The following CTTNBP2NL variants were observed in gnomAD, a reference collection of about 807,000 sequenced individuals.
CTTNBP2NL encodes CTTNBP2 N-terminal-like protein.
A neutral mutation model predicts 32.5 loss-of-function variants in CTTNBP2NL; 16 were observed. The observed-to-expected ratio is 0.49, with a 90% CI of 0.33 to 0.75. The LOEUF (loss-of-function observed/expected upper bound fraction) is 0.75, where lower values mean the gene tolerates loss of function less well. Among genes scored for constraint, CTTNBP2NL ranks in the 30% least tolerant of loss-of-function variants. The pLI, the probability that CTTNBP2NL is intolerant of heterozygous loss-of-function variation, is 0.02. For synonymous variants in CTTNBP2NL, 298 were observed against 289.4 expected (o/e 1.03, Z -0.30); for missense variants, 645 against 756.0 (o/e 0.85, Z 1.72).
chr1:112,429,673 A>G lies in CTTNBP2NL; in HGVS notation c.99+13409A>G, dbSNP rs141342459. 1.2e-4 allele frequency among the ~76,000 whole-genome samples: 19 copies of G among 152,354 alleles called. No homozygotes were observed. In the East Asian group the frequency reaches 3.7e-3, roughly 29 times the overall value. On this transcript the variant is annotated intron_variant, in intron 3 of 5. Coordinates refer to ENST00000271277, the MANE Select transcript of CTTNBP2NL (RefSeq NM_018704.3). ...AAAGATACCCATTGCAGCATAATTC[A>G]TAGAAACAAAATGCTAGAAACAATT... is the stretch of plus-strand genomic sequence containing the variant.
chr1:112,400,036 T>G (rs1015268204), intron 1 of CTTNBP2NL, among the ~76,000 whole-genome samples: 3 of 152,122 alleles, frequency 2.0e-5, no homozygotes, highest in African/African-American at 7.2e-5. Context: ...GCCATTGCAC[T>G]CCAGCCTGGG....
intron 3 of CTTNBP2NL, among the ~76,000 whole-genome samples, chr1:112,444,599 A>G (rs1649983092): frequency 1.3e-5 from 2 of 152,234 alleles, no homozygotes; most frequent in South Asian, 2.1e-4. Flanking sequence ...TTTTCTGACA[A>G]TGTAGGAATT....
At chr1:112,402,919 A>G (rs1648547815) in intron 1 of CTTNBP2NL, among the ~76,000 whole-genome samples, 1 of 152,094 alleles carries the variant, frequency 6.6e-6, no homozygotes, top group South Asian at 2.1e-4. Flanking sequence ...GTCTCGTATC[A>G]CAGTCATCAT....
chr1:112,438,847 A>G lies in CTTNBP2NL; in HGVS notation c.100-10095A>G, dbSNP rs180768080. 2.6e-5 allele frequency among the ~76,000 whole-genome samples: 4 copies of G among 152,300 alleles called. No homozygotes were observed. In the East Asian group the frequency reaches 5.8e-4, roughly 22 times the overall value. On this transcript the variant is annotated intron_variant, in intron 3 of 5. Transcript: ENST00000271277. ...GATGACCATTGCCAGGTTGTATTCA[A>G]AATTATCACTAAACACCCTGCAATG...
At chr1:112,413,708 C>T (rs1170712480) in intron 2 of CTTNBP2NL, among the ~76,000 whole-genome samples, 1 of 151,848 alleles carries the variant, frequency 6.6e-6, no homozygotes, top group East Asian at 1.9e-4. Context: ...AGATATATCC[C>T]TGATACTAAA....
chr1:112,441,346 G>A lies in CTTNBP2NL; in HGVS notation c.100-7596G>A, dbSNP rs572383750. Among the ~76,000 whole-genome samples the A allele has an allele frequency of 7.8e-4, 119 of 152,262 alleles. 1 individual carries two copies. The highest frequency in any genetic ancestry group is 7.7e-3 in the South Asian group (37 of 4,826). On this transcript the variant is annotated intron_variant, in intron 3 of 5. Transcript: ENST00000271277. ...GCCTCTTTTTTTTGTTCAGTATGATGTTCAGGTTCATCAGTGTCACTGTAT... is the reference window on the plus strand; with the variant it reads ...GCCTCTTTTTTTTGTTCAGTATGATATTCAGGTTCATCAGTGTCACTGTAT...
At chr1:112,391,916 G>C (rs1157870343), upstream of CTTNBP2NL, among the ~76,000 whole-genome samples, 1 of 152,052 alleles carries the variant, frequency 6.6e-6, no homozygotes, top group Non-Finnish European at 1.5e-5. Flanking sequence ...GCTTGAGCCT[G>C]GGAGGCAGAG....
intron 4 of CTTNBP2NL, among the ~76,000 whole-genome samples, chr1:112,454,141 G>C (rs1054254465): frequency 2.0e-5 from 3 of 152,062 alleles, no homozygotes; most frequent in Non-Finnish European, 4.4e-5. Flanking sequence ...GCAGTTTCTT[G>C]GAATTTCTGT....
At chr1:112,405,646 A>G (rs1648639081) in intron 1 of CTTNBP2NL, among the ~76,000 whole-genome samples, 1 of 152,200 alleles carries the variant, frequency 6.6e-6, no homozygotes, top group African/African-American at 2.4e-5. Context: ...TTGAGGGAAG[A>G]GATATCTGAA....
At chr1:112,442,756 T>C (rs1649933047) in intron 3 of CTTNBP2NL, among the ~76,000 whole-genome samples, 1 of 152,032 alleles carries the variant, frequency 6.6e-6, no homozygotes, top group Admixed American at 6.6e-5. Flanking sequence ...AGTGGAGCAA[T>C]CTCAGCTCAC....
intron 2 of CTTNBP2NL, chr1:112,415,001 A>C (rs916166103): frequency 3.3e-5 from 5 of 152,112 alleles, no homozygotes; most frequent in Non-Finnish European, 5.9e-5. Flanking sequence ...CAGTCTGGGC[A>C]ACACAGGGAG....
intron 4 of CTTNBP2NL, among the ~76,000 whole-genome samples, chr1:112,453,613 G>A (rs548746331): frequency 3.9e-5 from 6 of 152,208 alleles, no homozygotes; most frequent in Admixed American, 2.0e-4. Context: ...TCAGCTGGGC[G>A]TGGTGGCGCA....
At position 112,457,529 on chromosome 1, in the gene CTTNBP2NL, A is replaced by G. The variant is rs1650408978; in HGVS notation, c.*117A>G. On this transcript the variant is annotated 3_prime_UTR_variant, in exon 6 of 6. Transcript: ENST00000271277. ...GATAGTAGCTGAAACCATCTGTATA[A>G]TACATTTAGTATATTTCACCATTTT... The G allele has an allele frequency of 1.1e-6, 1 of 894,616 alleles. No individual in the cohort carries two copies. The highest frequency in any genetic ancestry group is 1.7e-6 in the Non-Finnish European group (1 of 586,930). The allele number at this position is 894,616 out of a possible 1,614,324, so 55.4% of individuals were successfully genotyped here. A position where few individuals can be genotyped will look rare whatever the true frequency, so the allele number is the denominator to read the frequency against.
chr1:112,407,493 A>G (rs1371888859), intron 1 of CTTNBP2NL, among the ~76,000 whole-genome samples: 1 of 151,988 alleles, frequency 6.6e-6, no homozygotes, highest in African/African-American at 2.4e-5. Context: ...TCCTCTTCTT[A>G]TAAAACACCA....
intron 3 of CTTNBP2NL, among the ~76,000 whole-genome samples, chr1:112,427,653 T>G (rs1190894349): frequency 6.6e-6 from 1 of 152,168 alleles, no homozygotes; most frequent in Admixed American, 6.5e-5. Flanking sequence ...CCCAGCACTT[T>G]GGGAGGCCGA....
At chr1:112,397,898 A>T (rs890845122) in intron 1 of CTTNBP2NL, among the ~76,000 whole-genome samples, 2 of 152,188 alleles carry the variant, frequency 1.3e-5, no homozygotes, top group Non-Finnish European at 2.9e-5. Context: ...CTTCCTAAAG[A>T]TAATTACTTT....
chr1:112,432,441 A>G (rs960868539), intron 3 of CTTNBP2NL, among the ~76,000 whole-genome samples: 16 of 152,148 alleles, frequency 1.1e-4, no homozygotes, highest in Non-Finnish European at 1.9e-4. Flanking sequence ...AATATGCACA[A>G]TGGGATGTCA....
chr1:112,405,392 G>A (rs780634169), intron 1 of CTTNBP2NL, among the ~76,000 whole-genome samples: 1 of 152,100 alleles, frequency 6.6e-6, no homozygotes, highest in Non-Finnish European at 1.5e-5. Flanking sequence ...CCACCTCCTG[G>A]GTTCAAGCGA....
chr1:112,428,479 C>T (rs1234872096), intron 3 of CTTNBP2NL, among the ~76,000 whole-genome samples: 2 of 152,078 alleles, frequency 1.3e-5, no homozygotes, highest in Admixed American at 6.6e-5. Context: ...TGAAATAACT[C>T]AACTGAATCT....
Sources: allele counts gnomAD v4.1 joint callset (sites outside exome capture counted in the v4.1 genomes callset), GRCh38; gene constraint gnomAD v4.1.1; transcripts MANE v1.5; gene names NCBI Gene and HGNC (gene_info 2026-07-23, HGNC 2026-07-21).